SYNDIG1: variants seen among roughly 807,000 people sequenced by gnomAD.
SYNDIG1 encodes synapse differentiation-inducing gene protein 1.
In SYNDIG1, 9 loss-of-function variants were observed where a neutral mutation model predicts 19.4. The observed-to-expected ratio is 0.46, with a 90% confidence interval of 0.28 to 0.81. The LOEUF is 0.81. Ranked by LOEUF, SYNDIG1 falls within the 30% of genes least tolerant of loss-of-function variation. The pLI is 0.12. For missense variants in SYNDIG1, 311 were observed against 343.3 expected (o/e 0.91, Z 0.74); for synonymous variants, 141 against 145.9 (o/e 0.97, Z 0.24).
intron 1 of SYNDIG1, among the ~76,000 whole-genome samples, chr20:24,537,279 A>G (rs1162528361): frequency 6.6e-6 from 1 of 152,208 alleles, no homozygotes; most frequent in Non-Finnish European, 1.5e-5. Context: ...ATGAAAGGAG[A>G]GAGGATTCTA....
At chr20:24,472,551 C>A (rs868124735) in intron 1 of SYNDIG1, among the ~76,000 whole-genome samples, 1 of 152,206 alleles carries the variant, frequency 6.6e-6, no homozygotes, top group African/African-American at 2.4e-5. Context: ...AGGCACTAGT[C>A]GGTGCTATTC....
At chr20:24,621,592 G>T (rs570113017) in intron 3 of SYNDIG1, among the ~76,000 whole-genome samples, 1 of 152,008 alleles carries the variant, frequency 6.6e-6, no homozygotes, top group Non-Finnish European at 1.5e-5. Flanking sequence ...TCCTTTTTTT[G>T]GGGGAAAACT....
At chr20:24,589,496 C>A (rs949697032) in intron 3 of SYNDIG1, among the ~76,000 whole-genome samples, 3 of 152,228 alleles carry the variant, frequency 2.0e-5, no homozygotes, top group African/African-American at 7.2e-5. Flanking sequence ...GGAGGAAAGC[C>A]TGTCTGAGCA....
At chr20:24,659,456 C>T (rs547499199) in intron 3 of SYNDIG1, among the ~76,000 whole-genome samples, 1 of 152,316 alleles carries the variant, frequency 6.6e-6, no homozygotes, top group African/African-American at 2.4e-5. Context: ...ATGTGTCCTG[C>T]ATTCAGCAAA....
chr20:24,616,095 A>G (rs1301570388), intron 3 of SYNDIG1, among the ~76,000 whole-genome samples: 1 of 152,140 alleles, frequency 6.6e-6, no homozygotes, highest in Non-Finnish European at 1.5e-5. Flanking sequence ...GCTCATCACT[A>G]CTTTAAAAAT....
At chr20:24,640,144 G>A (rs2059356998) in intron 3 of SYNDIG1, among the ~76,000 whole-genome samples, 1 of 151,984 alleles carries the variant, frequency 6.6e-6, no homozygotes. Flanking sequence ...GACTAGCCTG[G>A]TCAACATGGT....
intron 3 of SYNDIG1, among the ~76,000 whole-genome samples, chr20:24,619,649 T>C (rs2059007555): frequency 6.6e-6 from 1 of 152,364 alleles, no homozygotes; most frequent in Non-Finnish European, 1.5e-5. Flanking sequence ...TTAATGTTTA[T>C]AATTAAGATA....
At chr20:24,656,133 A>G (rs2059523599) in intron 3 of SYNDIG1, among the ~76,000 whole-genome samples, 3 of 152,188 alleles carry the variant, frequency 2.0e-5, no homozygotes, top group Admixed American at 1.3e-4. Flanking sequence ...CTTAGTGCCA[A>G]TGGCTGGTTA....
intron 2 of SYNDIG1, among the ~76,000 whole-genome samples, chr20:24,547,604 G>A (rs1387890814): frequency 6.6e-6 from 1 of 152,148 alleles, no homozygotes; most frequent in Non-Finnish European, 1.5e-5. Flanking sequence ...CTGTGGGGGT[G>A]CCCTCAGGGC....
chr20:24,490,210 T>G (rs2056107164), intron 1 of SYNDIG1, among the ~76,000 whole-genome samples: 1 of 152,206 alleles, frequency 6.6e-6, no homozygotes, highest in Non-Finnish European at 1.5e-5. Flanking sequence ...TCAGTGTGTT[T>G]CCATGCCTGA....
intron 3 of SYNDIG1, among the ~76,000 whole-genome samples, chr20:24,642,300 CA>C (rs2059386180): frequency 6.6e-6 from 1 of 152,136 alleles, no homozygotes; most frequent in East Asian, 1.9e-4. Context: ...GGGGTCACAT[CA>C]GGGGCACCTG....
chr20:24,621,759 A>G (rs2059041923), intron 3 of SYNDIG1, among the ~76,000 whole-genome samples: 1 of 152,210 alleles, frequency 6.6e-6, no homozygotes, highest in South Asian at 2.1e-4. Flanking sequence ...CAGTATAATA[A>G]CCATGAGTTG....
At chr20:24,510,663 A>G (rs2056723286) in intron 1 of SYNDIG1, among the ~76,000 whole-genome samples, 3 of 151,948 alleles carry the variant, frequency 2.0e-5, no homozygotes, top group African/African-American at 7.3e-5. Flanking sequence ...AGTGTGGGAT[A>G]GCTTTAATTT....
intron 3 of SYNDIG1, among the ~76,000 whole-genome samples, chr20:24,624,233 G>A (rs1445485074): frequency 7.1e-6 from 1 of 140,304 alleles, no homozygotes; most frequent in Non-Finnish European, 1.5e-5. Context: ...TCCAGCCCGG[G>A]TGACAGAATG....
intron 2 of SYNDIG1, among the ~76,000 whole-genome samples, chr20:24,572,564 G>GT (rs1454763361): frequency 6.6e-6 from 1 of 152,234 alleles, no homozygotes; most frequent in African/African-American, 2.4e-5. Flanking sequence ...CCACTCTGGA[G>GT]TAAGGTGGTT....
intron 1 of SYNDIG1, among the ~76,000 whole-genome samples, chr20:24,510,422 A>AG (rs2056714499): frequency 6.6e-6 from 1 of 151,220 alleles, no homozygotes; most frequent in Non-Finnish European, 1.5e-5. Context: ...AAAAAAAAAA[A>AG]GTTAGGCATG....
At chr20:24,518,516 G>A (rs1051695345) in intron 1 of SYNDIG1, among the ~76,000 whole-genome samples, 1 of 152,210 alleles carries the variant, frequency 6.6e-6, no homozygotes, top group Non-Finnish European at 1.5e-5. Context: ...GTCACCAGCA[G>A]GGCTAAATTG....
At chr20:24,476,454 G>T (rs1280885500) in intron 1 of SYNDIG1, among the ~76,000 whole-genome samples, 1 of 152,058 alleles carries the variant, frequency 6.6e-6, no homozygotes, top group East Asian at 2.0e-4. Context: ...GATCCCTTGA[G>T]GTCAGGAGTT....
chr20:24,665,520 A>C lies in SYNDIG1; in HGVS notation c.*16A>C, dbSNP rs1568726127. On this transcript the variant is annotated 3_prime_UTR_variant, in exon 4 of 4. Coordinates refer to ENST00000376862, the MANE Select transcript of SYNDIG1 (RefSeq NM_024893.3). ...CCACCTGTGAGCTTCCTGCGAATGG[A>C]GGGGGAGCACCCGGGGCCAGGTCTG... The C allele has an allele frequency of 6.2e-7, 1 of 1,613,618 alleles. No individual in the cohort carries two copies. The highest frequency in any genetic ancestry group is 2.2e-5 in the East Asian group (1 of 44,872).
Sources: gnomAD v4.1 joint callset for allele counts (sites outside exome capture counted in the v4.1 genomes callset) on GRCh38, gnomAD v4.1.1 for gene constraint, MANE v1.5 for transcripts, NCBI Gene and HGNC (gene_info 2026-07-23, HGNC 2026-07-21) for gene names.